KATNB1: variants seen among roughly 807,000 people sequenced by gnomAD.
KATNB1 encodes katanin p80 WD40 repeat-containing subunit B1.
In KATNB1, 38 loss-of-function variants were observed where a neutral mutation model predicts 82.3. The observed-to-expected ratio is 0.46, with a 90% CI of 0.36 to 0.61. KATNB1 has a LOEUF of 0.61. Ranked by LOEUF, KATNB1 falls within the 20% of genes least tolerant of loss-of-function variation. The pLI is 0.00. For synonymous variants in KATNB1, 361 were observed against 368.7 expected (o/e 0.98, Z 0.24); for missense variants, 749 against 915.7 (o/e 0.82, Z 2.35).
Position 57,753,129 on chromosome 16 carries a change from C to G in KATNB1, c.908C>G (p.Thr303Arg). Residue 303 changes from threonine (T) to arginine (R), a missense_variant, in exon 11 of 20, where the codon ACG becomes AGG. Transcript: ENST00000379661. ...GTCTCCTCCTACGTGGTGGATCTGA[C>G]GCGTGTCACCAGGACTGGCACGGTG... Reference protein sequence around the residue: ...SNVSSYVVDLTRVTRTGTVAR... With the variant: ...SNVSSYVVDLRRVTRTGTVAR... The G allele has an allele frequency of 6.2e-7, 1 of 1,611,060 alleles. No homozygotes were observed. The highest frequency in any genetic ancestry group is 8.5e-7 in the Non-Finnish European group (1 of 1,179,318).
In KATNB1 at chr16:57,755,916, G is replaced by A; in HGVS notation, c.1642G>A (p.Ala548Thr). ...CCTCCTGAACATCGTCAACCAGAAAGCGTAAGTGGCTGCAGAGGGGGAGTG... is the reference window on the plus strand; with the variant it reads ...CCTCCTGAACATCGTCAACCAGAAAACGTAAGTGGCTGCAGAGGGGGAGTG... ...VDLLNIVNQKASLWKLDLCTT... is the reference protein window; with the variant it reads ...VDLLNIVNQKTSLWKLDLCTT... The change falls in exon 17 of 20, where the codon GCC becomes ACC. Residue 548 changes from alanine to threonine, a missense_variant and splice_region_variant. Transcript: ENST00000379661. 1.2e-6 allele frequency: 2 copies of A among 1,603,078 alleles called. No homozygotes were observed. The highest frequency in any genetic ancestry group is 1.7e-6 in the Non-Finnish European group (2 of 1,171,750).
chr16:57,749,844 C>T (rs969182563), intron 4 of KATNB1, among the ~76,000 whole-genome samples: 13 of 152,150 alleles, frequency 8.5e-5, no homozygotes, highest in South Asian at 4.1e-4. Flanking sequence ...TTGGTCCTCG[C>T]GTGTCCTCCC....
chr16:57,754,836 C>T (rs1225214779), intron 13 of KATNB1, 94 bp from the exon 14 acceptor site: 7 of 1,265,426 alleles, frequency 5.5e-6, no homozygotes, highest in Non-Finnish European at 8.0e-6. Flanking sequence ...TCCATCCCCC[C>T]ATTGCAGATG....
intron 16 of KATNB1, 58 bp from the exon 17 acceptor site, chr16:57,755,783 C>G (rs1478465578): frequency 4.6e-6 from 7 of 1,509,626 alleles, no homozygotes; most frequent in Admixed American, 2.0e-5. Flanking sequence ...CACCCTCACC[C>G]TCACAGGGCC....
At chr16:57,748,261 C>T (rs1246137708) in intron 4 of KATNB1, among the ~76,000 whole-genome samples, 1 of 152,114 alleles carries the variant, frequency 6.6e-6, no homozygotes, top group Non-Finnish European at 1.5e-5. Context: ...CCCCCCTCCA[C>T]ACCCCCTCGC....
Position 57,751,162 on chromosome 16 carries a change from A to AGCCTT in KATNB1, c.391-99_391-98insGCCTT. ...CTCCGTGGGGAGTAACGACCTAGAG[A>AGCCTT]AGGCTGGGCCCCACCGTCTGCTCAC... is the stretch of plus-strand genomic sequence containing the variant. On this transcript the variant is annotated intron_variant, in intron 5 of 19. Transcript: ENST00000379661. This position sits in a 1 kb window ranked among gnomAD's most constrained non-coding sequence, Gnocchi z 6.3. 5.1e-6 allele frequency: 6 copies of AGCCTT among 1,166,860 alleles called. No homozygotes were observed. Among genetic ancestry groups the AGCCTT allele is most frequent in the African/African-American group, 1.5e-5 (1 of 66,146 alleles). 72.3% of individuals were successfully genotyped at this position (1,166,860 alleles called of 1,614,324 possible). A position where few individuals can be genotyped will look rare whatever the true frequency, so the allele number is the denominator to read the frequency against.
intron 13 of KATNB1, among the ~76,000 whole-genome samples, chr16:57,754,533 C>T (rs2049259552): frequency 6.6e-6 from 1 of 152,172 alleles, no homozygotes; most frequent in South Asian, 2.1e-4. Flanking sequence ...GGAGAACGGG[C>T]AGGCATGGGG....
chr16:57,755,987 C>T lies in KATNB1; in HGVS notation c.1644-5C>T, dbSNP rs2049273684. ...CTGATGGCAGCATGTCCTGGCCTCTCCTAGCTCCCTGTGGAAGCTGGACCT... is the reference window on the plus strand; with the variant it reads ...CTGATGGCAGCATGTCCTGGCCTCTTCTAGCTCCCTGTGGAAGCTGGACCT... On this transcript the variant is annotated splice_region_variant and splice_polypyrimidine_tract_variant and intron_variant, in intron 17 of 19. Transcript: ENST00000379661. 1.2e-6 allele frequency: 2 copies of T among 1,613,448 alleles called. No homozygotes were observed. Among genetic ancestry groups the T allele is most frequent in the East Asian group, 4.5e-5 (2 of 44,884 alleles).
At chr16:57,754,347 G>T (rs1384829659) in intron 13 of KATNB1, among the ~76,000 whole-genome samples, 1 of 152,186 alleles carries the variant, frequency 6.6e-6, no homozygotes, top group African/African-American at 2.4e-5. Context: ...GCTCTCAGGA[G>T]GCCCAATGCC....
At chr16:57,754,543 G>C (rs1298381852) in intron 13 of KATNB1, among the ~76,000 whole-genome samples, 1 of 152,128 alleles carries the variant, frequency 6.6e-6, no homozygotes, top group African/African-American at 2.4e-5. Context: ...CAGGCATGGG[G>C]CCACCTGTCC....
At chr16:57,741,911 C>T in intron 3 of KATNB1, 94 bp downstream of exon 3, 1 of 1,420,206 alleles carries the variant, frequency 7.0e-7, no homozygotes, top group Non-Finnish European at 9.6e-7. Flanking sequence ...GCTTCTCAGA[C>T]TCTCTTGAGC....
chr16:57,737,907 G>A (rs1052997545), intron 2 of KATNB1, among the ~76,000 whole-genome samples: 5 of 152,188 alleles, frequency 3.3e-5, no homozygotes, highest in African/African-American at 4.8e-5. Context: ...TATTTACCAC[G>A]TTAGAAGTTA....
Position 57,752,617 on chromosome 16 carries a change from G to A in KATNB1, c.704+16G>A. On this transcript the variant is annotated intron_variant, in intron 9 of 19. Transcript: ENST00000379661. ...GGCCCGTCAGGTACGCAGGCTGTGG[G>A]GTGGGCGGCCCAGCGCTCCTCCCGG... The A allele has an allele frequency of 6.4e-7, 1 of 1,557,774 alleles. No individual in the cohort carries two copies. Among genetic ancestry groups the A allele is most frequent in the Non-Finnish European group, 8.7e-7 (1 of 1,150,920 alleles).
At chr16:57,756,274 C>T in intron 18 of KATNB1, 82 bp from the exon 19 acceptor site, 3 of 1,317,042 alleles carry the variant, frequency 2.3e-6, no homozygotes, top group Non-Finnish European at 3.3e-6. Flanking sequence ...GTTTCTGCCC[C>T]TCTCCTCCTT....
intron 18 of KATNB1, 98 bp downstream of exon 18, chr16:57,756,164 T>C: frequency 7.2e-7 from 1 of 1,389,608 alleles, no homozygotes; most frequent in Non-Finnish European, 1.0e-6. Flanking sequence ...AGCCTGGGTG[T>C]TCCTGTGAGC....
At position 57,753,463 on chromosome 16, in the gene KATNB1, C is replaced by T. The variant is rs782157682; in HGVS notation, c.1121C>T (p.Ala374Val). 12 of 1,613,104 alleles carry T rather than the reference C, an allele frequency of 7.4e-6. No individual in the cohort carries two copies. The highest frequency in any genetic ancestry group is 6.7e-5 in the Admixed American group (4 of 60,004). The change falls in exon 12 of 20, where the codon GCG becomes GTG. Residue 374 changes from alanine (A) to valine (V), a missense_variant. Physicochemically the swap from Ala to Val is moderately conservative, Grantham distance 64. Transcript: ENST00000379661. ...GACCGGGACGAGCGCGAGTCCCGCG[C>T]GGAGATCCAGAACGCCGAGGACTAC... is the stretch of plus-strand genomic sequence containing the variant. The part of the protein sequence containing the change: ...EDDRDERESR[A>V]EIQNAEDYNE...
In KATNB1 at chr16:57,754,008, A is replaced by G; in HGVS notation, c.1228+13A>G. On this transcript the variant is annotated intron_variant, in intron 13 of 19. Transcript: ENST00000379661. ...CCCCCAGAGGACGGTGAGTTGGGTG[A>G]GCCTGGTTTCCCAAGGTCTCTGATG... 1 of 1,612,750 alleles carries G rather than the reference A, an allele frequency of 6.2e-7. No homozygotes were observed. The highest frequency in any genetic ancestry group is 1.1e-5 in the South Asian group (1 of 90,980).
chr16:57,753,423 C>T lies in KATNB1; in HGVS notation c.1081C>T (p.Pro361Ser), dbSNP rs1555584372. ...GAACTCAGAGAGCGAGCGCCGCAGCCCCAGCAGCGAGGATGACCGGGACGA... is the reference window on the plus strand; with the variant it reads ...GAACTCAGAGAGCGAGCGCCGCAGCTCCAGCAGCGAGGATGACCGGGACGA... The part of the protein sequence containing the change: ...KQNSESERRS[P>S]SSEDDRDERE... The change falls in exon 12 of 20, where the codon CCC (proline) becomes TCC (serine). Residue 361 changes from proline to serine, a missense_variant. Pro to Ser is a moderately conservative substitution (Grantham distance 74, BLOSUM62 -1). This residue lies in a region of KATNB1 where 407 missense variants were observed against 434.7 expected (regional missense o/e 0.94). Transcript: ENST00000379661. 1 of 1,613,004 alleles carries T rather than the reference C, an allele frequency of 6.2e-7. No individual in the cohort carries two copies. The highest frequency in any genetic ancestry group is 1.1e-5 in the South Asian group (1 of 91,070).
At chr16:57,743,756 T>C (rs535930841) in intron 3 of KATNB1, among the ~76,000 whole-genome samples, 1 of 152,332 alleles carries the variant, frequency 6.6e-6, no homozygotes, top group African/African-American at 2.4e-5. Flanking sequence ...GTGCACGCTG[T>C]CCCCCTGCAG....
Sources: gnomAD v4.1 joint callset for allele counts (sites outside exome capture counted in the v4.1 genomes callset) on GRCh38, gnomAD v4.1.1 for gene constraint, gnomAD v4.1.1 regional missense constraint, Gnocchi (gnomAD v3.1) non-coding constraint, MANE v1.5 for transcripts, NCBI Gene and HGNC (gene_info 2026-07-23, HGNC 2026-07-21) for gene names.